PRKCB: variants seen among roughly 807,000 people sequenced by gnomAD.
PRKCB encodes the protein protein kinase C beta, also known as protein kinase C beta type.
A neutral mutation model predicts 81.5 loss-of-function variants in PRKCB; 13 were observed. That is an observed-to-expected ratio of 0.16 (90% CI 0.10 to 0.25). The LOEUF is 0.25. Ranked by LOEUF, PRKCB falls within the 10% of genes least tolerant of loss-of-function variation. The pLI, the probability that PRKCB is intolerant of heterozygous loss-of-function variation, is 1.00. For synonymous variants in PRKCB, 335 were observed against 321.4 expected (o/e 1.04, Z -0.45); for missense variants, 509 against 875.7 (o/e 0.58, Z 5.29).
At chr16:23,836,400 G>A in intron 1 of PRKCB, 52 bp downstream of exon 1, 4 of 1,580,914 alleles carry the variant, frequency 2.5e-6, no homozygotes, top group East Asian at 2.4e-5. Flanking sequence ...GCAGCGCCGC[G>A]CCAGGGACCC....
At chr16:23,847,434 G>GTCCC (rs1196289435) in intron 2 of PRKCB, among the ~76,000 whole-genome samples, 16 of 68,658 alleles carry the variant, frequency 2.3e-4, no homozygotes, top group African/African-American at 9.0e-4. Context: ...CCATCCGTCT[G>GTCCC]TCCATCCATC....
intron 3 of PRKCB, among the ~76,000 whole-genome samples, chr16:24,020,354 A>C (rs958686053): frequency 6.6e-6 from 1 of 152,238 alleles, no homozygotes; most frequent in Non-Finnish European, 1.5e-5. Context: ...TTGGTGCAAA[A>C]GTAATTGCGG....
chr16:24,135,146 G>T (rs1596563585), intron 9 of PRKCB, among the ~76,000 whole-genome samples: 1 of 148,596 alleles, frequency 6.7e-6, no homozygotes, highest in Non-Finnish European at 1.5e-5. Flanking sequence ...GTGCCTGGTG[G>T]GTTTTGATGG....
intron 5 of PRKCB, among the ~76,000 whole-genome samples, chr16:24,049,336 A>G (rs1181931317): frequency 2.9e-5 from 4 of 139,806 alleles, no homozygotes; most frequent in Admixed American, 2.1e-4. Flanking sequence ...CTACCCTGGC[A>G]CATCCGGGAC....
At chr16:23,979,875 G>A (rs746430984) in intron 2 of PRKCB, among the ~76,000 whole-genome samples, 5 of 152,176 alleles carry the variant, frequency 3.3e-5, no homozygotes, top group Non-Finnish European at 5.9e-5. Flanking sequence ...CTTGAGGTCA[G>A]GAGTTTGAGA....
At chr16:23,936,934 T>A (rs1964068660) in intron 2 of PRKCB, among the ~76,000 whole-genome samples, 1 of 152,140 alleles carries the variant, frequency 6.6e-6, no homozygotes, top group South Asian at 2.1e-4. Context: ...GTAGAGTATC[T>A]TTAGCGACGG....
rs1469833467 is a variant in PRKCB at position 23,836,148 on chromosome 16, T to C, written c.-28T>C. 39 of 1,433,312 alleles carry C rather than the reference T, an allele frequency of 2.7e-5. No homozygotes were observed. Among genetic ancestry groups the C allele is most frequent in the Non-Finnish European group, 3.6e-5 (39 of 1,092,748 alleles). 88.8% of individuals were successfully genotyped at this position (1,433,312 alleles called of 1,614,324 possible). On this transcript the variant is annotated 5_prime_UTR_variant, in exon 1 of 17. Coordinates refer to ENST00000643927, the MANE Select transcript of PRKCB (RefSeq NM_002738.7). The stretch of plus-strand genomic sequence containing the variant: ...GTCCCGCGGCCCCGGGGCCGGCACC[T>C]CTCGGGCTCCGGCTCCCCGCGCGCA...
At chr16:24,037,132 G>A (rs955337294) in intron 5 of PRKCB, among the ~76,000 whole-genome samples, 2 of 152,116 alleles carry the variant, frequency 1.3e-5, no homozygotes, top group Non-Finnish European at 2.9e-5. Context: ...GGGATTACAG[G>A]CGCCCACCAC....
At chr16:23,842,539 G>A (rs7200798) in intron 2 of PRKCB, among the ~76,000 whole-genome samples, 71,022 of 151,958 alleles carry the variant, frequency 0.47, 17,725 homozygotes, top group East Asian at 0.61. Flanking sequence ...TTCAGTGTCT[G>A]GGCCCAGAAA....
chr16:24,125,122 TCG>T (rs1966840833), intron 9 of PRKCB, among the ~76,000 whole-genome samples: 1 of 132,766 alleles, frequency 7.5e-6, no homozygotes, highest in African/African-American at 3.6e-5. Flanking sequence ...CTATAATTAA[TCG>T]TTACCTATAA....
intron 5 of PRKCB, among the ~76,000 whole-genome samples, chr16:24,079,808 T>C (rs1966226476): frequency 6.6e-6 from 1 of 152,218 alleles, no homozygotes; most frequent in Admixed American, 6.5e-5. Context: ...CTTAATTTGA[T>C]TGTGGCCTTA....
chr16:24,011,066 A>G (rs971213794), intron 3 of PRKCB, among the ~76,000 whole-genome samples: 2 of 152,038 alleles, frequency 1.3e-5, no homozygotes, highest in African/African-American at 4.8e-5. Context: ...GGGTTTCATC[A>G]TGTTGCCCAG....
At chr16:24,166,049 G>T (rs543065303) in intron 10 of PRKCB, among the ~76,000 whole-genome samples, 1 of 151,718 alleles carries the variant, frequency 6.6e-6, no homozygotes, top group South Asian at 2.1e-4. Flanking sequence ...ACCATACCTG[G>T]CTAATTTTTG....
intron 9 of PRKCB, among the ~76,000 whole-genome samples, chr16:24,125,964 T>G (rs1049030096): frequency 6.6e-6 from 1 of 152,188 alleles, no homozygotes; most frequent in African/African-American, 2.4e-5. Context: ...GCTCTGAGTA[T>G]CCCTGGGGTG....
At chr16:24,166,940 T>A (rs1325167379) in intron 10 of PRKCB, among the ~76,000 whole-genome samples, 1 of 151,986 alleles carries the variant, frequency 6.6e-6, no homozygotes, top group African/African-American at 2.4e-5. Context: ...GATCCCCTGA[T>A]GTGGGGATTC....
At chr16:23,902,789 C>CTTCCTT (rs1963502103) in intron 2 of PRKCB, among the ~76,000 whole-genome samples, 1 of 98,706 alleles carries the variant, frequency 1.0e-5, no homozygotes, top group Non-Finnish European at 1.9e-5. Flanking sequence ...TTCCTCCCTC[C>CTTCCTT]CTCCCTCCCT....
chr16:24,062,054 A>C (rs1965981320), intron 5 of PRKCB, among the ~76,000 whole-genome samples: 1 of 152,018 alleles, frequency 6.6e-6, no homozygotes, highest in African/African-American at 2.4e-5. Flanking sequence ...ATCCCAACCC[A>C]CTGCTATGTT....
intron 2 of PRKCB, among the ~76,000 whole-genome samples, chr16:23,950,451 A>G (rs143244654): frequency 6.6e-6 from 1 of 152,194 alleles, no homozygotes. Context: ...GCTAAGCAGT[A>G]TGGGTAAGAG....
intron 16 of PRKCB, among the ~76,000 whole-genome samples, chr16:24,211,953 C>T (rs924575083): frequency 1.3e-5 from 2 of 152,134 alleles, no homozygotes; most frequent in Non-Finnish European, 2.9e-5. Context: ...CTTCTGCTTC[C>T]CTCAACAAAA....
Sources: gnomAD v4.1 joint callset for allele counts (sites outside exome capture counted in the v4.1 genomes callset) on GRCh38, gnomAD v4.1.1 for gene constraint, MANE v1.5 for transcripts, NCBI Gene and HGNC (gene_info 2026-07-23, HGNC 2026-07-21) for gene names.